Variants in ABCB5 observed in about 807,000 individuals in gnomAD.
ABCB5 encodes ATP binding cassette subfamily B member 5.
ABCB5 carries 155 observed loss-of-function variants against 144.2 expected under a neutral mutation model. The observed-to-expected ratio is 1.08, with a 90% CI of 0.94 to 1.23. The LOEUF is 1.23. Ranked by LOEUF, ABCB5 falls within the 50% of genes most tolerant of loss-of-function variation. The probability of loss-of-function intolerance (pLI) is 0.00; values close to 1 mark genes in which losing one functional copy is unlikely to be tolerated. For synonymous variants in ABCB5, 610 were observed against 528.6 expected, an observed-to-expected ratio of 1.15 and a Z score of -2.11; for missense variants, 1,830 against 1,520.8, an observed-to-expected ratio of 1.20 and a Z score of -3.38.
chr7:20,650,129 T>C lies in ABCB5; in HGVS notation c.1314T>C (p.Tyr438=). 3 of 1,613,554 alleles carry C rather than the reference T, an allele frequency of 1.9e-6. No homozygotes were observed. Among genetic ancestry groups the C allele is most frequent in the Non-Finnish European group, 2.5e-6 (3 of 1,179,580 alleles). The change falls in exon 12 of 28, where the codon TAT becomes TAC. Residue 438 remains tyrosine, a synonymous_variant. Coordinates refer to ENST00000404938, the MANE Select transcript of ABCB5 (RefSeq NM_001163941.2). The part of the protein sequence containing the change: ...STVVQLLQRL[Y]DPDDGFIMVD... The stretch of plus-strand genomic sequence containing the variant: ...TAGTCCAGCTTCTGCAGAGGTTATA[T>C]GATCCGGATGATGGCTTTGTAAGTG...
At chr7:20,675,231 T>C (rs749878830) in intron 14 of ABCB5, among the ~76,000 whole-genome samples, 59 of 152,074 alleles carry the variant, frequency 3.9e-4, no homozygotes, top group Non-Finnish European at 6.5e-4. Context: ...TCACACTTCC[T>C]GATTTCAAAA....
At chr7:20,714,346 T>G (rs1172747339) in intron 20 of ABCB5, among the ~76,000 whole-genome samples, 3 of 150,706 alleles carry the variant, frequency 2.0e-5, no homozygotes, top group Non-Finnish European at 2.9e-5. Flanking sequence ...TGTTCTTAAT[T>G]TCAAAAAAAA....
intron 5 of ABCB5, 33 bp downstream of exon 5, chr7:20,632,146 G>T (rs372873693): frequency 7.3e-7 from 1 of 1,378,446 alleles, no homozygotes; most frequent in African/African-American, 1.5e-5. Context: ...TATCACATTC[G>T]TTGAATGATG....
chr7:20,748,292 C>T (rs370084326), intron 26 of ABCB5, among the ~76,000 whole-genome samples: 3 of 152,048 alleles, frequency 2.0e-5, no homozygotes, highest in Non-Finnish European at 2.9e-5. Flanking sequence ...ACAGCTCACA[C>T]GTAGGTTTTT....
intron 23 of ABCB5, among the ~76,000 whole-genome samples, chr7:20,733,842 G>A (rs1782301691): frequency 6.6e-6 from 1 of 151,932 alleles, no homozygotes; most frequent in South Asian, 2.1e-4. Flanking sequence ...ATTTCACCAT[G>A]TTGGCCAGGC....
chr7:20,692,498 T>C (rs749341048), intron 16 of ABCB5, among the ~76,000 whole-genome samples: 1 of 151,194 alleles, frequency 6.6e-6, no homozygotes, highest in African/African-American at 2.4e-5. Context: ...AGGAAGTCCT[T>C]TGAGCAGAAG....
chr7:20,699,655 TGA>T (rs1786545405), intron 17 of ABCB5, among the ~76,000 whole-genome samples, 168 bp from the exon 18 acceptor site: 2 of 151,634 alleles, frequency 1.3e-5, no homozygotes, highest in African/African-American at 4.9e-5. Flanking sequence ...GAGCCAAGAC[TGA>T]GATCGCAACA....
intron 5 of ABCB5, among the ~76,000 whole-genome samples, chr7:20,635,387 C>CT (rs71020650): frequency 0.05 from 7,148 of 142,866 alleles, 786 homozygotes; most frequent in East Asian, 0.45. Flanking sequence ...GTTATAAAGG[C>CT]TTTTTTTTTT....
At position 20,659,488 on chromosome 7, in the gene ABCB5, C is replaced by T; in HGVS notation, c.1707+812C>T. The T allele has an allele frequency of 3.8e-6, 4 of 1,046,358 alleles. No homozygotes were observed. In the South Asian group the frequency reaches 1.7e-4, roughly 44 times the overall value. 64.8% of individuals were successfully genotyped at this position (1,046,358 alleles called of 1,614,324 possible). A position where few individuals can be genotyped will look rare whatever the true frequency, so the allele number is the denominator to read the frequency against. On this transcript the variant is annotated intron_variant, in intron 14 of 27. Transcript: ENST00000404938. ...ATACTGGCAGGCTAAATGTCCACTG[C>T]TTCTTGAAAAATCTCTTAGTTACTA...
At position 20,623,297 on chromosome 7, in the gene ABCB5, A is replaced by G. The variant is rs1291852687; in HGVS notation, c.12A>G (p.Ser4=). The G allele has an allele frequency of 6.5e-7, 1 of 1,546,656 alleles. No individual in the cohort carries two copies. The highest frequency in any genetic ancestry group is 1.4e-5 in the African/African-American group (1 of 73,104). MEN[S]ERAEEMQENY... ...AAATTGTAAATAAGATGGAAAATTC[A>G]GAAAGAGCTGAAGAAATGCAAGAAA... Residue 4 remains serine (S), a synonymous_variant, in exon 2 of 28, where the codon TCA becomes TCG. Transcript: ENST00000404938.
intron 24 of ABCB5, among the ~76,000 whole-genome samples, chr7:20,739,531 CT>C (rs1212322618): frequency 2.0e-5 from 3 of 150,744 alleles, no homozygotes; most frequent in African/African-American, 7.4e-5. Flanking sequence ...GAAAAGGGGT[CT>C]TGTCTTAATC....
intron 14 of ABCB5, chr7:20,660,045 T>C (rs1784953251): frequency 1.0e-6 from 1 of 985,500 alleles, no homozygotes; most frequent in Non-Finnish European, 1.2e-6. Flanking sequence ...GAAGGTTTCA[T>C]GTTGTGCCCG....
intron 14 of ABCB5, among the ~76,000 whole-genome samples, chr7:20,662,917 G>A (rs186410077): frequency 5.5e-4 from 83 of 152,266 alleles, no homozygotes; most frequent in Middle Eastern, 6.8e-3. Flanking sequence ...ATAGACCCCC[G>A]AAGCCATTTG....
intron 13 of ABCB5, among the ~76,000 whole-genome samples, 179 bp from the exon 14 acceptor site, chr7:20,658,327 C>CTTTTTTTTTTTTTTTTTTTGTTTTTTT (rs759670787): frequency 7.1e-6 from 1 of 140,676 alleles, no homozygotes. Flanking sequence ...TCTTTGGGCT[C>CTTTTTTTTTTTTTTTTTTTGTTTTTTT]TTTTTTTTTT....
intron 4 of ABCB5, among the ~76,000 whole-genome samples, chr7:20,629,308 C>G (rs1278730315): frequency 6.6e-6 from 1 of 152,042 alleles, no homozygotes; most frequent in Non-Finnish European, 1.5e-5. Context: ...AATCAGAAAG[C>G]CATTTGCTGA....
At chr7:20,663,285 T>C (rs1007985712) in intron 14 of ABCB5, among the ~76,000 whole-genome samples, 23 of 152,222 alleles carry the variant, frequency 1.5e-4, no homozygotes, top group Middle Eastern at 3.2e-3. Context: ...AAAGAGATAT[T>C]GGTATACTAG....
At chr7:20,639,419 T>G (rs1351473124) in intron 5 of ABCB5, among the ~76,000 whole-genome samples, 1 of 152,216 alleles carries the variant, frequency 6.6e-6, no homozygotes, top group African/African-American at 2.4e-5. Context: ...ATTTTTTGCC[T>G]AACCCAGGAT....
intron 16 of ABCB5, among the ~76,000 whole-genome samples, chr7:20,688,571 A>G (rs576002654): frequency 9.7e-4 from 148 of 152,350 alleles, no homozygotes; most frequent in African/African-American, 3.4e-3. Flanking sequence ...CGATTCCTCA[A>G]GGATCAAGAA....
chr7:20,666,841 C>T (rs546981264), intron 14 of ABCB5: 22 of 1,516,416 alleles, frequency 1.5e-5, no homozygotes, highest in Non-Finnish European at 1.9e-5. Context: ...GTATGAATTG[C>T]ACTATCTCCC....
Sources: gnomAD v4.1 joint callset for allele counts (sites outside exome capture counted in the v4.1 genomes callset) on GRCh38, gnomAD v4.1.1 for gene constraint, MANE v1.5 for transcripts, NCBI Gene and HGNC (gene_info 2026-07-23, HGNC 2026-07-21) for gene names.